FAF1: variants seen among roughly 807,000 people sequenced by gnomAD.
The protein encoded by FAF1 is Fas associated factor 1.
Under a neutral mutation model 92.5 loss-of-function variants are expected in FAF1, and 25 were observed. The ratio of observed to expected loss-of-function variants is 0.27; its 90% confidence interval spans 0.20 to 0.38. The LOEUF (loss-of-function observed/expected upper bound fraction) is 0.38, where lower values mean the gene tolerates loss of function less well. Among genes scored for constraint, FAF1 ranks in the 10% least tolerant of loss-of-function variants. FAF1 has a pLI of 1.00. For synonymous variants in FAF1, 234 were observed against 273.2 expected (o/e 0.86, Z 1.42); for missense variants, 636 against 793.3 (o/e 0.80, Z 2.38).
intron 4 of FAF1, among the ~76,000 whole-genome samples, chr1:50,756,991 A>G (rs1360435558): frequency 5.9e-5 from 9 of 152,160 alleles, no homozygotes; most frequent in Admixed American, 5.9e-4. Context: ...AATATTTTCT[A>G]CTTTCCCTTG....
At chr1:50,457,412 A>C (rs2148985032) in intron 18 of FAF1, among the ~76,000 whole-genome samples, 1 of 152,334 alleles carries the variant, frequency 6.6e-6, no homozygotes. Flanking sequence ...TGTCTAGAAA[A>C]GGTTAATCTG....
intron 15 of FAF1, among the ~76,000 whole-genome samples, chr1:50,498,834 A>T (rs1270042968): frequency 6.6e-6 from 1 of 150,560 alleles, no homozygotes; most frequent in African/African-American, 2.5e-5. Context: ...TGGGCGACAG[A>T]GCGAACCTCT....
chr1:50,448,922 A>G (rs1646260175), intron 18 of FAF1, among the ~76,000 whole-genome samples: 1 of 148,628 alleles, frequency 6.7e-6, no homozygotes, highest in Non-Finnish European at 1.5e-5. Flanking sequence ...ATGTAACATG[A>G]TACGAGGGTC....
chr1:50,653,796 G>C (rs1363178720), intron 8 of FAF1, among the ~76,000 whole-genome samples: 1 of 152,072 alleles, frequency 6.6e-6, no homozygotes, highest in Non-Finnish European at 1.5e-5. Context: ...CTTGAACCCA[G>C]GAGGTGGAGG....
chr1:50,531,306 T>C (rs1047366327), intron 15 of FAF1, among the ~76,000 whole-genome samples: 4 of 152,142 alleles, frequency 2.6e-5, no homozygotes, highest in African/African-American at 9.7e-5. Context: ...GCAAGCAGGA[T>C]AGAGGATTAT....
chr1:50,959,192 A>G (rs552859276), intron 1 of FAF1, among the ~76,000 whole-genome samples: 34 of 152,220 alleles, frequency 2.2e-4, no homozygotes, highest in Non-Finnish European at 4.7e-4. Flanking sequence ...TCTGGAATAT[A>G]TAGTCTTATC....
chr1:50,669,560 A>T (rs929809067), intron 7 of FAF1, among the ~76,000 whole-genome samples: 9 of 151,140 alleles, frequency 6.0e-5, no homozygotes, highest in African/African-American at 9.7e-5. Flanking sequence ...TATAGTTGAT[A>T]AAAAAAATTG....
chr1:50,643,806 T>C lies in FAF1; in HGVS notation c.744+11636A>G, dbSNP rs1222281382. On this transcript the variant is annotated intron_variant, in intron 8 of 18. Transcript: ENST00000396153. Reference sequence around the variant, plus strand: ...TGGGGTTTCGCCATGTTGGCCAGGCTGGTCTCAAACTCCAGAGCTCAAGTG... The same window carrying C: ...TGGGGTTTCGCCATGTTGGCCAGGCCGGTCTCAAACTCCAGAGCTCAAGTG... 2.0e-5 allele frequency among the ~76,000 whole-genome samples: 3 copies of C among 152,210 alleles called. No individual in the cohort carries two copies. In the East Asian group the frequency reaches 5.8e-4, roughly 29 times the overall value.
At chr1:50,800,943 C>T (rs1189054335) in intron 3 of FAF1, among the ~76,000 whole-genome samples, 1 of 152,202 alleles carries the variant, frequency 6.6e-6, no homozygotes, top group Non-Finnish European at 1.5e-5. Context: ...GGTTTTACCT[C>T]CTAAGACTTT....
intron 1 of FAF1, among the ~76,000 whole-genome samples, chr1:50,874,002 G>C (rs1644549943): frequency 6.6e-6 from 1 of 152,182 alleles, no homozygotes; most frequent in African/African-American, 2.4e-5. Flanking sequence ...GTTGCTGAAA[G>C]CAACTGTAGA....
chr1:50,918,920 G>C (rs2124730472), intron 1 of FAF1, among the ~76,000 whole-genome samples: 1 of 151,740 alleles, frequency 6.6e-6, no homozygotes, highest in Admixed American at 6.6e-5. Flanking sequence ...TAGTGGTTTT[G>C]ATTTGCATTT....
chr1:50,906,419 G>C (rs1481507912), intron 1 of FAF1, among the ~76,000 whole-genome samples: 1 of 152,172 alleles, frequency 6.6e-6, no homozygotes, highest in Admixed American at 6.5e-5. Flanking sequence ...TGTGAAGAAA[G>C]TCATTGGTGG....
At chr1:50,494,961 T>C (rs1646881587) in intron 15 of FAF1, among the ~76,000 whole-genome samples, 1 of 152,174 alleles carries the variant, frequency 6.6e-6, no homozygotes, top group South Asian at 2.1e-4. Flanking sequence ...TATAATTTAC[T>C]TATTTTTAGT....
intron 1 of FAF1, among the ~76,000 whole-genome samples, chr1:50,884,766 T>A (rs1246852826): frequency 6.6e-6 from 1 of 152,146 alleles, no homozygotes; most frequent in Non-Finnish European, 1.5e-5. Context: ...GATTTTGGCA[T>A]CAGGGTAATA....
intron 15 of FAF1, among the ~76,000 whole-genome samples, chr1:50,497,093 C>T (rs1646907859): frequency 6.6e-6 from 1 of 151,726 alleles, no homozygotes; most frequent in Non-Finnish European, 1.5e-5. Flanking sequence ...CATGAAGAAA[C>T]TACACCAAGG....
chr1:50,452,163 C>G (rs754654244), intron 18 of FAF1: 2 of 1,347,652 alleles, frequency 1.5e-6, no homozygotes, highest in South Asian at 2.3e-5. Context: ...CGAGAACAGG[C>G]ATGTTTCCCC....
intron 1 of FAF1, among the ~76,000 whole-genome samples, chr1:50,921,930 G>T (rs1644966431): frequency 6.6e-6 from 1 of 152,098 alleles, no homozygotes; most frequent in Admixed American, 6.5e-5. Context: ...ACTTTGGGAG[G>T]CCAAGGCAGG....
At chr1:50,915,797 G>A (rs1644915081) in intron 1 of FAF1, among the ~76,000 whole-genome samples, 1 of 152,164 alleles carries the variant, frequency 6.6e-6, no homozygotes. Flanking sequence ...GAGGATAAGA[G>A]TGAACTGTTG....
chr1:50,466,286 T>C (rs1465138734), intron 18 of FAF1, among the ~76,000 whole-genome samples: 1 of 152,144 alleles, frequency 6.6e-6, no homozygotes, highest in Non-Finnish European at 1.5e-5. Context: ...GTTTCTTGCC[T>C]GAACAAAAAG....
Sources: allele counts gnomAD v4.1 joint callset (sites outside exome capture counted in the v4.1 genomes callset), GRCh38; gene constraint gnomAD v4.1.1; transcripts MANE v1.5; gene names NCBI Gene and HGNC (gene_info 2026-07-23, HGNC 2026-07-21).